PARD3: variants seen among roughly 807,000 people sequenced by gnomAD.
PARD3 encodes the protein partitioning defective 3 homolog.
In PARD3, 75 loss-of-function variants were observed where a neutral mutation model predicts 155.4. The observed-to-expected ratio is 0.48, with a 90% CI of 0.40 to 0.58. The LOEUF is 0.58. Among genes scored for constraint, PARD3 ranks in the 20% least tolerant of loss-of-function variants. The pLI is 0.00. For synonymous variants in PARD3, 576 were observed against 610.5 expected, an observed-to-expected ratio of 0.94 and a Z score of 0.83; for missense variants, 1,642 against 1,721.7, an observed-to-expected ratio of 0.95 and a Z score of 0.82.
chr10:34,489,858 CTAT>C (rs895722611), intron 3 of PARD3, among the ~76,000 whole-genome samples: 5 of 152,168 alleles, frequency 3.3e-5, no homozygotes, highest in African/African-American at 1.2e-4. Context: ...AAAATAGGTT[CTAT>C]TATTATTCCC....
intron 14 of PARD3, among the ~76,000 whole-genome samples, chr10:34,352,685 C>G (rs1323985375): frequency 6.6e-6 from 1 of 152,224 alleles, no homozygotes; most frequent in Non-Finnish European, 1.5e-5. Context: ...GGCGTGATCT[C>G]AGCTCGCTAC....
intron 1 of PARD3, among the ~76,000 whole-genome samples, chr10:34,791,187 G>T (rs1220809004): frequency 2.0e-5 from 3 of 152,206 alleles, no homozygotes; most frequent in Non-Finnish European, 4.4e-5. Context: ...ACTGCCCTGA[G>T]TGAGAAGCAC....
chr10:34,468,340 A>C (rs1434555864), intron 4 of PARD3, among the ~76,000 whole-genome samples: 1 of 152,250 alleles, frequency 6.6e-6, no homozygotes, highest in Non-Finnish European at 1.5e-5. Flanking sequence ...TGCAACTGAA[A>C]CGGACTCACA....
chr10:34,322,122 T>C (rs1958418307), intron 19 of PARD3, among the ~76,000 whole-genome samples: 1 of 152,172 alleles, frequency 6.6e-6, no homozygotes, highest in Non-Finnish European at 1.5e-5. Flanking sequence ...ATGGATGCCA[T>C]ACCCCTGCAG....
chr10:34,381,003 T>C (rs905035571), intron 9 of PARD3, among the ~76,000 whole-genome samples: 1 of 152,228 alleles, frequency 6.6e-6, no homozygotes, highest in African/African-American at 2.4e-5. Flanking sequence ...AAGGGGTTTC[T>C]GTTGATATGA....
At chr10:34,302,891 A>C (rs1266917940) in intron 20 of PARD3, among the ~76,000 whole-genome samples, 3 of 152,082 alleles carry the variant, frequency 2.0e-5, no homozygotes, top group Non-Finnish European at 4.4e-5. Flanking sequence ...GAGGCCCTGG[A>C]GCAGGACCTA....
chr10:34,650,461 C>A (rs905659856), intron 2 of PARD3, among the ~76,000 whole-genome samples: 2 of 152,200 alleles, frequency 1.3e-5, no homozygotes, highest in African/African-American at 4.8e-5. Flanking sequence ...AAAGACAGCA[C>A]ATGCATCTTG....
intron 4 of PARD3, among the ~76,000 whole-genome samples, chr10:34,456,669 G>C (rs2077358247): frequency 6.6e-6 from 1 of 151,992 alleles, no homozygotes; most frequent in Admixed American, 6.6e-5. Context: ...ATTTTTCCAA[G>C]CAAATTAACT....
intron 1 of PARD3, among the ~76,000 whole-genome samples, chr10:34,792,975 G>T (rs1316948692): frequency 6.6e-6 from 1 of 152,152 alleles, no homozygotes; most frequent in East Asian, 1.9e-4. Context: ...ATCTACTTTT[G>T]CATCTCCCTG....
At chr10:34,635,128 T>C (rs945304471) in intron 2 of PARD3, among the ~76,000 whole-genome samples, 2 of 152,208 alleles carry the variant, frequency 1.3e-5, no homozygotes, top group Admixed American at 6.5e-5. Flanking sequence ...ATTTAAGACA[T>C]TTTCAAAGGA....
chr10:34,298,467 C>T (rs1381992705), intron 20 of PARD3, among the ~76,000 whole-genome samples: 1 of 152,152 alleles, frequency 6.6e-6, no homozygotes, highest in African/African-American at 2.4e-5. Flanking sequence ...GCCTTGAGGA[C>T]ATTATACTAA....
At chr10:34,530,383 C>T (rs926931542) in intron 2 of PARD3, among the ~76,000 whole-genome samples, 2 of 152,152 alleles carry the variant, frequency 1.3e-5, no homozygotes, top group African/African-American at 2.4e-5. Flanking sequence ...ACCCTTCTGT[C>T]AGATGGTGTA....
intron 1 of PARD3, among the ~76,000 whole-genome samples, chr10:34,728,195 T>C (rs912397635): frequency 3.3e-5 from 5 of 152,202 alleles, no homozygotes; most frequent in Non-Finnish European, 7.3e-5. Flanking sequence ...AAATTTACCA[T>C]ATGTAATAAA....
In PARD3 at chr10:34,814,963, C is replaced by G. The variant is rs932023737; in HGVS notation, c.33G>C (p.Arg11=). 121 of 1,555,824 alleles carry G rather than the reference C, an allele frequency of 7.8e-5. No individual in the cohort carries two copies. The highest frequency in any genetic ancestry group is 1.0e-4 in the Non-Finnish European group (118 of 1,153,294). ...GGCCGTCCCCGCACGGCACGACCACCCGGGTCCGTCCGAAGCACACGGTCA... is the reference window on the plus strand; with the variant it reads ...GGCCGTCCCCGCACGGCACGACCACGCGGGTCCGTCCGAAGCACACGGTCA... MKVTVCFGRT[R]VVVPCGDGHM... The change falls in exon 1 of 25, where the codon CGG becomes CGC. Residue 11 remains arginine, a synonymous_variant. Transcript: ENST00000374788.
intron 18 of PARD3, among the ~76,000 whole-genome samples, chr10:34,331,605 G>T (rs889116346): frequency 3.9e-5 from 6 of 152,154 alleles, no homozygotes; most frequent in African/African-American, 1.4e-4. Flanking sequence ...AATTTCAACA[G>T]ATGAAATTGT....
At chr10:34,402,338 A>C (rs1843974224) in intron 5 of PARD3, among the ~76,000 whole-genome samples, 2 of 152,128 alleles carry the variant, frequency 1.3e-5, no homozygotes. Context: ...TTCCTACTCA[A>C]AACAGTTACA....
intron 7 of PARD3, among the ~76,000 whole-genome samples, chr10:34,397,103 T>C (rs938544134): frequency 6.6e-6 from 1 of 152,188 alleles, no homozygotes; most frequent in African/African-American, 2.4e-5. Flanking sequence ...AACACAGGGA[T>C]TGTCACAACA....
intron 1 of PARD3, among the ~76,000 whole-genome samples, chr10:34,701,766 G>T (rs1263514662): frequency 2.0e-5 from 3 of 152,182 alleles, no homozygotes; most frequent in African/African-American, 7.2e-5. Context: ...GTGTGGTGGT[G>T]TGCACCTGTG....
Position 34,317,109 on chromosome 10 carries a change from G to A in PARD3, c.3063C>T (p.Phe1021=). 6 of 1,550,776 alleles carry A rather than the reference G, an allele frequency of 3.9e-6. No individual in the cohort carries two copies. Among genetic ancestry groups the A allele is most frequent in the Non-Finnish European group, 5.2e-6 (6 of 1,147,060 alleles). ...KGMLKGLGDM[F]RFGKHRKDDK... ...GGTTTGGGATGGTAACGACTTACCTGAACATGTCTCCCAAGCCCTTCAGCA... is the reference window on the plus strand; with the variant it reads ...GGTTTGGGATGGTAACGACTTACCTAAACATGTCTCCCAAGCCCTTCAGCA... The change falls in exon 20 of 25, where the codon TTC becomes TTT. Residue 1021 remains phenylalanine, a splice_region_variant and synonymous_variant. Coordinates refer to ENST00000374788, the MANE Select transcript of PARD3 (RefSeq NM_001184785.2).
Sources: gnomAD v4.1 joint callset for allele counts (sites outside exome capture counted in the v4.1 genomes callset) on GRCh38, gnomAD v4.1.1 for gene constraint, MANE v1.5 for transcripts, NCBI Gene and HGNC (gene_info 2026-07-23, HGNC 2026-07-21) for gene names.